Variants in IL1A observed in about 807,000 individuals in gnomAD.
IL1A encodes interleukin-1 alpha.
Under a neutral mutation model 22.2 loss-of-function variants are expected in IL1A, and 16 were observed. The ratio of observed to expected loss-of-function variants is 0.72; its 90% CI spans 0.49 to 1.09. The LOEUF is 1.09. IL1A is among the 50% of genes least tolerant of loss of function. The pLI, the probability that IL1A is intolerant of heterozygous loss-of-function variation, is 0.00. For missense variants in IL1A, 317 were observed against 321.8 expected, an observed-to-expected ratio of 0.99 and a Z score of 0.11; for synonymous variants, 113 against 118.5, an observed-to-expected ratio of 0.95 and a Z score of 0.30.
intron 6 of IL1A, among the ~76,000 whole-genome samples, chr2:112,777,723 G>T (rs1266070224): frequency 6.6e-6 from 1 of 152,184 alleles, no homozygotes; most frequent in Non-Finnish European, 1.5e-5. Flanking sequence ...GGAATAAATG[G>T]ATGCTCTGGG....
chr2:112,777,904 T>C, intron 6 of IL1A, 83 bp downstream of exon 6: 1 of 1,406,602 alleles, frequency 7.1e-7, no homozygotes, highest in East Asian at 2.3e-5. Context: ...AGTGTCACCT[T>C]GTTAGAGGTG....
intron 1 of IL1A, 91 bp from the exon 2 acceptor site, chr2:112,783,869 A>C (rs1272054082): frequency 9.0e-7 from 1 of 1,110,912 alleles, no homozygotes; most frequent in Admixed American, 1.7e-5. Context: ...GCTTCCTGAA[A>C]ACTTTGTTGA....
At chr2:112,779,742 G>T in intron 4 of IL1A, 76 bp from the exon 5 acceptor site, 1 of 1,050,524 alleles carries the variant, frequency 9.5e-7, no homozygotes, top group African/African-American at 1.6e-5. Context: ...GTACAAACAG[G>T]GAAAATAGTT....
In IL1A at chr2:112,775,307, G is replaced by A. The variant is rs945165951; in HGVS notation, c.616-40C>T. The stretch of plus-strand genomic sequence containing the variant: ...AGAGAATTCTGTTAGAGAACAAGAT[G>A]GTAGAAAAAGGACTGAAGCTCAATC... On this transcript the variant is annotated intron_variant, in intron 6 of 6. Transcript: ENST00000263339. 7.8e-6 allele frequency: 12 copies of A among 1,543,126 alleles called. No homozygotes were observed. The African/African-American group carries it at 1.6e-4, about 21-fold the overall frequency.
chr2:112,777,832 G>A (rs776830039), intron 6 of IL1A, among the ~76,000 whole-genome samples, 155 bp downstream of exon 6: 29 of 152,202 alleles, frequency 1.9e-4, no homozygotes, highest in Non-Finnish European at 3.2e-4. Context: ...GCCTAGGCAC[G>A]CCTCTGGAAT....
At chr2:112,781,055 T>C (rs1284446190) in intron 4 of IL1A, among the ~76,000 whole-genome samples, 2 of 152,080 alleles carry the variant, frequency 1.3e-5, no homozygotes, top group Non-Finnish European at 2.9e-5. Context: ...ATAATGATAG[T>C]AATAGCTAAC....
At chr2:112,783,236 G>A (rs117328532) in intron 2 of IL1A, among the ~76,000 whole-genome samples, 1 of 152,284 alleles carries the variant, frequency 6.6e-6, no homozygotes, top group East Asian at 1.9e-4. Context: ...TACAGATAAT[G>A]GAAACATCAT....
chr2:112,777,624 T>C (rs528155528), intron 6 of IL1A, among the ~76,000 whole-genome samples: 44 of 152,324 alleles, frequency 2.9e-4, no homozygotes, highest in African/African-American at 1.0e-3. Context: ...TGATCTCAGT[T>C]GGCTTATTTG....
At position 112,779,558 on chromosome 2, in the gene IL1A, C is replaced by G; in HGVS notation, c.428G>C (p.Ser143Thr). ...GTACTGATCATTGGCTCGAATTATA[C>G]TTTGATTGAGGGCGTCATTCAGGAT... ...EFILNDALNQ[S>T]IIRANDQYLT... Residue 143 changes from serine to threonine, a missense_variant, in exon 5 of 7, where the codon AGT becomes ACT. By Grantham distance (58) the Ser-to-Thr change is moderately conservative. Transcript: ENST00000263339. The G allele has an allele frequency of 1.2e-6, 2 of 1,611,006 alleles. No individual in the cohort carries two copies. Among genetic ancestry groups the G allele is most frequent in the Non-Finnish European group, 1.7e-6 (2 of 1,177,758 alleles).
Position 112,773,987 on chromosome 2 carries a change from T to C in IL1A, c.*1080A>G, listed in dbSNP as rs1323467334. The C allele has an allele frequency of 2.0e-5, 3 of 152,208 alleles. No individual in the cohort carries two copies. Among genetic ancestry groups the C allele is most frequent in the Admixed American group, 6.5e-5 (1 of 15,280 alleles). The allele number at this position is 152,208 out of a possible 1,614,324, so 9.4% of individuals were successfully genotyped here. A position where few individuals can be genotyped will look rare whatever the true frequency, so the allele number is the denominator to read the frequency against. ...CTCTATCAATCACTATTGTTGATAA[T>C]AATGTAACATTATGGTCTGATCACA... On this transcript the variant is annotated 3_prime_UTR_variant, in exon 7 of 7. Transcript: ENST00000263339.
intron 5 of IL1A, among the ~76,000 whole-genome samples, chr2:112,779,203 G>T (rs1201758306): frequency 6.6e-6 from 1 of 151,998 alleles, no homozygotes; most frequent in Non-Finnish European, 1.5e-5. Flanking sequence ...TAAAATTGAG[G>T]GTAAGAATGT....
Position 112,774,229 on chromosome 2 carries a change from A to G in IL1A, c.*838T>C, listed in dbSNP as rs1010932959. On this transcript the variant is annotated 3_prime_UTR_variant, in exon 7 of 7. Coordinates refer to ENST00000263339, the MANE Select transcript of IL1A (RefSeq NM_000575.5). ...AAGGTAATTAATGTACATTTATTAT[A>G]TGATTACAGGTCTCCCAAGTACTAG... 1 of 152,152 alleles carries G rather than the reference A, an allele frequency of 6.6e-6. No individual in the cohort carries two copies. Among genetic ancestry groups the G allele is most frequent in the East Asian group, 1.9e-4 (1 of 5,196 alleles). 9.4% of individuals were successfully genotyped at this position (152,152 alleles called of 1,614,324 possible).
intron 6 of IL1A, among the ~76,000 whole-genome samples, chr2:112,775,618 A>C (rs989698360): frequency 2.0e-5 from 3 of 152,170 alleles, no homozygotes; most frequent in African/African-American, 7.2e-5. Flanking sequence ...TTTTGCATCA[A>C]ATCTGAGCAC....
At chr2:112,778,193 GGTGTGTGTGT>G (rs3074430) in intron 5 of IL1A, 82 bp from the exon 6 acceptor site, 121 of 662,698 alleles carry the variant, frequency 1.8e-4, no homozygotes, top group South Asian at 7.7e-4. Flanking sequence ...GTGTGTGCAT[GGTGTGTGTGT>G]GTGTGTGTGT....
chr2:112,784,164 A>G lies in IL1A; in HGVS notation c.-9+279T>C, dbSNP rs567363514. Among the ~76,000 whole-genome samples, 5 of 152,364 alleles carry G rather than the reference A, an allele frequency of 3.3e-5. No individual in the cohort carries two copies. In the South Asian group the frequency reaches 1.0e-3, roughly 32 times the overall value. ...TTTTCTCCTAATAATTTTGGATAGTAGAGATTCCCTCCCATGAGAAGCCTC... is the reference window on the plus strand; with the variant it reads ...TTTTCTCCTAATAATTTTGGATAGTGGAGATTCCCTCCCATGAGAAGCCTC... On this transcript the variant is annotated intron_variant, in intron 1 of 6. Transcript: ENST00000263339.
At chr2:112,782,432 C>A (rs532438791) in intron 3 of IL1A, among the ~76,000 whole-genome samples, 2 of 152,326 alleles carry the variant, frequency 1.3e-5, no homozygotes, top group South Asian at 2.1e-4. Context: ...GCCTGCGGGG[C>A]CTTTCTCAGG....
rs762239186 is a variant in IL1A, at chr2:112,774,838, A to C, written c.*229T>G. 8.0e-5 allele frequency: 35 copies of C among 438,272 alleles called. No homozygotes were observed. Among genetic ancestry groups the C allele is most frequent in the Non-Finnish European group, 1.5e-4 (35 of 241,040 alleles). 27.1% of individuals were successfully genotyped at this position (438,272 alleles called of 1,614,324 possible). A position where few individuals can be genotyped will look rare whatever the true frequency, so the allele number is the denominator to read the frequency against. On this transcript the variant is annotated 3_prime_UTR_variant, in exon 7 of 7. Coordinates refer to ENST00000263339, the MANE Select transcript of IL1A (RefSeq NM_000575.5). ...GGTCCTCCTAAAATTGTTATGAAGAATAATAATTAAAATGATTGGTACTAT... is the reference window on the plus strand; with the variant it reads ...GGTCCTCCTAAAATTGTTATGAAGACTAATAATTAAAATGATTGGTACTAT...
intron 6 of IL1A, 58 bp from the exon 7 acceptor site, chr2:112,775,325 G>T: frequency 7.3e-7 from 1 of 1,375,928 alleles, no homozygotes; most frequent in Non-Finnish European, 1.0e-6. Flanking sequence ...AAGGACTGAA[G>T]CTCAATCCCT....
In IL1A at chr2:112,775,019, CA is replaced by C. The variant is rs767836981; in HGVS notation, c.*47del. 3 of 1,433,316 alleles carry C rather than the reference CA, an allele frequency of 2.1e-6. No homozygotes were observed. In the East Asian group the frequency reaches 6.8e-5, roughly 33 times the overall value. 88.8% of individuals were successfully genotyped at this position (1,433,316 alleles called of 1,614,324 possible). A position where few individuals can be genotyped will look rare whatever the true frequency, so the allele number is the denominator to read the frequency against. On this transcript the variant is annotated 3_prime_UTR_variant, in exon 7 of 7. Coordinates refer to ENST00000263339, the MANE Select transcript of IL1A (RefSeq NM_000575.5). Reference sequence around the variant, plus strand: ...ATTTAGCTTCTTCATGTACATGGTACATATGAACTGTCAACACTGCACAAGT... The same window carrying C: ...ATTTAGCTTCTTCATGTACATGGTACTATGAACTGTCAACACTGCACAAGT...
Sources: allele counts gnomAD v4.1 joint callset (sites outside exome capture counted in the v4.1 genomes callset), GRCh38; gene constraint gnomAD v4.1.1; transcripts MANE v1.5; gene names NCBI Gene and HGNC (gene_info 2026-07-23, HGNC 2026-07-21).